The following POU3F3 variants were observed in gnomAD, a reference collection of about 807,000 sequenced individuals.
POU3F3 encodes POU domain, class 3, transcription factor 3.
POU3F3 carries 1 observed loss-of-function variant against 8.6 expected under a neutral mutation model. The observed-to-expected ratio is 0.12, with a 90% CI of 0.04 to 0.55. The LOEUF (loss-of-function observed/expected upper bound fraction) is 0.55, where lower values mean the gene tolerates loss of function less well. POU3F3 is among the 20% of genes least tolerant of loss of function. The pLI is 0.91. For missense variants in POU3F3, 577 were observed against 690.7 expected (o/e 0.84, Z 1.84); for synonymous variants, 418 against 327.4 (o/e 1.28, Z -2.99).
At chr2:104,867,617 G>A in the POU3F3 span, 1 of 152,966 alleles carries the variant, frequency 6.5e-6, no homozygotes, top group African/African-American at 2.4e-5. The surrounding 1 kb of genome is among the most constrained non-coding windows in gnomAD (Gnocchi z 5.0). Flanking sequence ...GGCCCGCGGG[G>A]CTTTGGTCAT....
In POU3F3 at chr2:104,856,259, G is replaced by A; in HGVS notation, c.749G>A (p.Gly250Glu). 7.5e-7 allele frequency: 1 copy of A among 1,324,700 alleles called. No individual in the cohort carries two copies. Among genetic ancestry groups the A allele is most frequent in the Admixed American group, 4.0e-5 (1 of 24,836 alleles). The allele number at this position is 1,324,700 out of a possible 1,614,324, so 82.1% of individuals were successfully genotyped here. Residue 250 changes from glycine (G) to glutamate (E), a missense_variant, in exon 1 of 1, where the codon GGA (glycine) becomes GAA (glutamate). This residue lies in a region of POU3F3 where 484 missense variants were observed against 422.6 expected (regional missense o/e 1.15). Coordinates refer to ENST00000361360, the MANE Select transcript of POU3F3 (RefSeq NM_006236.3). ...PGGGGGGAGGGAQSLVHPGLV... is the reference protein window; with the variant it reads ...PGGGGGGAGGEAQSLVHPGLV... ...GGCGGCGGCGGCGGCGCGGGCGGTG[G>A]AGCCCAGAGCTTGGTGCACCCGGGG... is the stretch of plus-strand genomic sequence containing the variant.
At chr2:104,917,615 G>T in the POU3F3 span, among the ~76,000 whole-genome samples, 1 of 152,290 alleles carries the variant, frequency 6.6e-6, no homozygotes, top group East Asian at 1.9e-4. Context: ...GCTCCAAAGT[G>T]CAAAGAAACT....
the POU3F3 span, among the ~76,000 whole-genome samples, chr2:104,912,973 T>C: frequency 6.6e-6 from 1 of 152,248 alleles, no homozygotes; most frequent in African/African-American, 2.4e-5. Context: ...ATTTTCATAC[T>C]ACTTGAATTA....
At chr2:104,912,677 C>G in the POU3F3 span, among the ~76,000 whole-genome samples, 2 of 152,110 alleles carry the variant, frequency 1.3e-5, no homozygotes, top group African/African-American at 4.8e-5. Context: ...GAGCACGACC[C>G]AGGTCATATG....
At chr2:104,877,311 C>T in the POU3F3 span, among the ~76,000 whole-genome samples, 11 of 152,198 alleles carry the variant, frequency 7.2e-5, no homozygotes, top group East Asian at 1.9e-4. Flanking sequence ...GTTTACTGAG[C>T]GATTAGCTCT....
At chr2:104,917,292 C>G in the POU3F3 span, among the ~76,000 whole-genome samples, 2 of 152,188 alleles carry the variant, frequency 1.3e-5, no homozygotes, top group Admixed American at 1.3e-4. Context: ...CTATGGGTTT[C>G]GTTTCTTTGG....
chr2:104,856,379 G>T lies in POU3F3; in HGVS notation c.869G>T (p.Gly290Val), dbSNP rs915779061. Residue 290 changes from glycine (G) to valine (V), a missense_variant, in exon 1 of 1, where the codon GGA becomes GTA. Physicochemically the swap from Gly to Val is moderately radical, Grantham distance 109. Around this residue, in one of 7 missense-constraint regions of POU3F3, gnomAD observed 484 missense variants for 422.6 expected, o/e 1.15. Transcript: ENST00000361360. Reference sequence around the variant, plus strand: ...CCGCCGCACCCGCACCACGCGCAGGGACCCCCGCACCACGGCGGCGGCGGC... The same window carrying T: ...CCGCCGCACCCGCACCACGCGCAGGTACCCCCGCACCACGGCGGCGGCGGC... ...PHPPHPHHAQ[G>V]PPHHGGGGGG... 2 of 1,551,100 alleles carry T rather than the reference G, an allele frequency of 1.3e-6. No individual in the cohort carries two copies. The highest frequency in any genetic ancestry group is 2.7e-5 in the African/African-American group (2 of 72,872).
the POU3F3 span, among the ~76,000 whole-genome samples, chr2:104,890,931 G>A: frequency 6.6e-6 from 1 of 152,144 alleles, no homozygotes; most frequent in Non-Finnish European, 1.5e-5. Flanking sequence ...TTTCAAGGGA[G>A]CAAAAAGGGG....
the POU3F3 span, among the ~76,000 whole-genome samples, chr2:104,904,339 A>G: frequency 6.6e-6 from 1 of 152,186 alleles, no homozygotes; most frequent in African/African-American, 2.4e-5. Context: ...ATAGTCTATC[A>G]TATGTCACCA....
the POU3F3 span, among the ~76,000 whole-genome samples, chr2:104,900,639 C>G: frequency 5.5e-3 from 840 of 152,322 alleles, 8 homozygotes; most frequent in African/African-American, 0.019. Context: ...GTAAACCATA[C>G]TGAATGTGAT....
chr2:104,911,871 C>T, the POU3F3 span, among the ~76,000 whole-genome samples: 3 of 151,950 alleles, frequency 2.0e-5, no homozygotes, highest in East Asian at 5.8e-4. Context: ...CTGTAAGTGA[C>T]ACAGAAAAGT....
the POU3F3 span, chr2:104,926,028 C>T: frequency 1.3e-5 from 2 of 152,162 alleles, no homozygotes; most frequent in Non-Finnish European, 2.9e-5. Flanking sequence ...GAAGATTGTC[C>T]TCACCATAGG....
downstream of POU3F3, among the ~76,000 whole-genome samples, chr2:104,860,320 G>A (rs1274449274): frequency 1.3e-5 from 2 of 152,054 alleles, no homozygotes; most frequent in African/African-American, 4.8e-5. Context: ...CCCTTTCAAT[G>A]TAATTACAAA....
the POU3F3 span, among the ~76,000 whole-genome samples, chr2:104,909,096 A>G: frequency 6.6e-6 from 1 of 152,222 alleles, no homozygotes; most frequent in African/African-American, 2.4e-5. Flanking sequence ...TTATTCTGAA[A>G]TCTGTCACTT....
downstream of POU3F3, among the ~76,000 whole-genome samples, chr2:104,862,027 G>A (rs1423649918): frequency 6.6e-6 from 1 of 152,216 alleles, no homozygotes; most frequent in Non-Finnish European, 1.5e-5. Flanking sequence ...AGCAGGAGGG[G>A]TACTTGTGTA....
chr2:104,902,431 A>G, the POU3F3 span, among the ~76,000 whole-genome samples: 1 of 152,220 alleles, frequency 6.6e-6, no homozygotes, highest in Admixed American at 6.5e-5. Context: ...CGTGTTCCAG[A>G]ACCTTCACTG....
the POU3F3 span, among the ~76,000 whole-genome samples, chr2:104,900,536 C>T: frequency 1.3e-5 from 2 of 152,196 alleles, no homozygotes; most frequent in East Asian, 3.8e-4. Context: ...CCCCAGCCTT[C>T]CTACTCTTCT....
At chr2:104,917,061 C>T in the POU3F3 span, among the ~76,000 whole-genome samples, 3 of 152,196 alleles carry the variant, frequency 2.0e-5, no homozygotes, top group Admixed American at 6.5e-5. Flanking sequence ...TCTTCTTCTG[C>T]CCTCAGTCAC....
chr2:104,914,257 T>C, the POU3F3 span, among the ~76,000 whole-genome samples: 1 of 152,230 alleles, frequency 6.6e-6, no homozygotes, highest in African/African-American at 2.4e-5. Flanking sequence ...TTCATACTTA[T>C]AAATGGTGTT....
Sources: allele counts gnomAD v4.1 joint callset (sites outside exome capture counted in the v4.1 genomes callset), GRCh38; gene constraint gnomAD v4.1.1; regional missense constraint gnomAD v4.1.1; non-coding constraint Gnocchi (gnomAD v3.1); transcripts MANE v1.5; gene names NCBI Gene and HGNC (gene_info 2026-07-23, HGNC 2026-07-21).